Variants in LMF1 observed in about 807,000 individuals in gnomAD.
LMF1 encodes transmembrane protein 112.
In LMF1, 68 loss-of-function variants were observed where a neutral mutation model predicts 60.6. That is an observed-to-expected ratio of 1.12 (90% confidence interval 0.92 to 1.37). LMF1 has a LOEUF of 1.37. Among genes scored for constraint, LMF1 ranks in the 40% most tolerant of loss-of-function variants. The pLI is 0.00. For missense variants in LMF1, 948 were observed against 767.2 expected, an observed-to-expected ratio of 1.24 and a Z score of -2.78; for synonymous variants, 418 against 324.7, an observed-to-expected ratio of 1.29 and a Z score of -3.09.
At position 969,732 on chromosome 16, in the gene LMF1, T is replaced by C. The variant is rs570318324; in HGVS notation, c.193+1056A>G. 3.1e-3 allele frequency among the ~76,000 whole-genome samples: 477 copies of C among 152,298 alleles called. 2 individuals are homozygous for C. The highest frequency in any genetic ancestry group is 5.8e-3 in the Non-Finnish European group (393 of 68,014). Reference sequence around the variant, plus strand: ...CTGCCCACGCGCCCCGCTGGCTGCATCTCGGCCTGGCAGGCTCCCCTCACT... The same window carrying C: ...CTGCCCACGCGCCCCGCTGGCTGCACCTCGGCCTGGCAGGCTCCCCTCACT... On this transcript the variant is annotated intron_variant, in intron 1 of 10. Transcript: ENST00000262301.
rs140789791 is a variant in LMF1 at position 869,676 on chromosome 16, G to A, written c.1416+207C>T. 3.6e-3 allele frequency: 2,385 copies of A among 660,808 alleles called. 13 individuals carry two copies. Among genetic ancestry groups the A allele is most frequent in the Middle Eastern group, 6.3e-3 (20 of 3,170 alleles). 40.9% of individuals were successfully genotyped at this position (660,808 alleles called of 1,614,324 possible). ...CACTACCTGGCAGACCCGGGGGGAC[G>A]GTGGGGCTGGGCTCCCACATGAGGC... On this transcript the variant is annotated intron_variant, in intron 9 of 10. Coordinates refer to ENST00000262301, the MANE Select transcript of LMF1 (RefSeq NM_022773.4).
At chr16:907,826 T>C (rs1354953002) in intron 4 of LMF1, among the ~76,000 whole-genome samples, 1 of 152,216 alleles carries the variant, frequency 6.6e-6, no homozygotes, top group African/African-American at 2.4e-5. Context: ...CACAGGAGTC[T>C]ATCAAGTAAT....
intron 2 of LMF1, among the ~76,000 whole-genome samples, chr16:949,400 G>A (rs1325778177): frequency 6.7e-6 from 1 of 150,168 alleles, no homozygotes; most frequent in Non-Finnish European, 1.5e-5. Context: ...GACAACGACA[G>A]AGTCAGCCAA....
rs1411570116 is a variant in LMF1, at chr16:878,684, ACGGAG to A, written c.897+881_897+885del. Among the ~76,000 whole-genome samples, 2 of 143,040 alleles carry A rather than the reference ACGGAG, an allele frequency of 1.4e-5. No homozygotes were observed. Among genetic ancestry groups the A allele is most frequent in the African/African-American group, 5.2e-5 (2 of 38,388 alleles). 93.8% of individuals were successfully genotyped at this position (143,040 alleles called of 152,430 possible). ...CGTGGCGTGGCACCCGTGCCTGCTGACGGAGCTTTGCCCCTCTAGGCGGCGGTGCT... is the reference window on the plus strand; with the variant it reads ...CGTGGCGTGGCACCCGTGCCTGCTGACTTTGCCCCTCTAGGCGGCGGTGCT... On this transcript the variant is annotated intron_variant, in intron 6 of 10. Coordinates refer to ENST00000262301, the MANE Select transcript of LMF1 (RefSeq NM_022773.4). The surrounding 1 kb of genome is among the most constrained non-coding windows in gnomAD (Gnocchi z 5.2).
chr16:934,186 A>T (rs2151787246), intron 3 of LMF1, 58 bp downstream of exon 3: 1 of 1,599,126 alleles, frequency 6.3e-7, no homozygotes, highest in Non-Finnish European at 8.5e-7. Context: ...GTGAAGATAC[A>T]TACCAAACAC....
intron 1 of LMF1, among the ~76,000 whole-genome samples, chr16:956,280 C>T (rs1209870148): frequency 6.6e-6 from 1 of 151,444 alleles, no homozygotes; most frequent in African/African-American, 2.4e-5. Flanking sequence ...TGTCCCACGG[C>T]GCCCACCCAC....
intron 3 of LMF1, among the ~76,000 whole-genome samples, chr16:922,943 T>C (rs12598766): frequency 2.0e-3 from 176 of 87,112 alleles, no homozygotes; most frequent in South Asian, 0.016. Flanking sequence ...GTGGTGTTGG[T>C]GTCGTGTTGT....
At chr16:935,383 C>T (rs1362686413) in intron 2 of LMF1, among the ~76,000 whole-genome samples, 1 of 152,104 alleles carries the variant, frequency 6.6e-6, no homozygotes, top group Non-Finnish European at 1.5e-5. Flanking sequence ...GTGTGAACTG[C>T]CCCAGCCAGA....
rs1026518662 is a variant in LMF1, at chr16:868,786, G to A, written c.1529+158C>T. ...AAGGCTGATGTGGGGCGGGGGGGGG[G>A]GGCCCTTTTTGCTCCCAGCAGGCCC... On this transcript the variant is annotated intron_variant, in intron 10 of 10. Transcript: ENST00000262301. 2.1e-5 allele frequency among the ~76,000 whole-genome samples: 3 copies of A among 141,092 alleles called. 1 individual carries two copies. Among genetic ancestry groups the A allele is most frequent in the African/African-American group, 7.5e-5 (3 of 39,968 alleles). The allele number at this position is 141,092 out of a possible 152,430, so 92.6% of individuals were successfully genotyped here. A position where few individuals can be genotyped will look rare whatever the true frequency, so the allele number is the denominator to read the frequency against.
At chr16:976,901 G>A (rs753094051) in intron 1 of LMF1, 44 of 454,034 alleles carry the variant, frequency 9.7e-5, no homozygotes, top group Middle Eastern at 6.8e-4. Context: ...TCCCGCCAGC[G>A]CGGGTTCACG....
At chr16:917,380 G>A (rs2071310732) in intron 3 of LMF1, among the ~76,000 whole-genome samples, 1 of 108,456 alleles carries the variant, frequency 9.2e-6, no homozygotes, top group Non-Finnish European at 1.8e-5. Context: ...TGCCACACGT[G>A]TGCGCTGCGG....
chr16:974,708 G>C (rs1177014268), upstream of LMF1, among the ~76,000 whole-genome samples: 1 of 152,168 alleles, frequency 6.6e-6, no homozygotes, highest in Non-Finnish European at 1.5e-5. Context: ...CAGCAGCTGC[G>C]GGCCGGCTTC....
intron 1 of LMF1, among the ~76,000 whole-genome samples, chr16:964,396 C>T (rs1185671284): frequency 1.3e-5 from 2 of 152,168 alleles, no homozygotes; most frequent in Non-Finnish European, 2.9e-5. Context: ...CCCAGAAATG[C>T]CGTTCTCTGT....
chr16:874,820 G>C lies in LMF1; in HGVS notation c.898-3479C>G, dbSNP rs985359938. On this transcript the variant is annotated intron_variant, in intron 6 of 10. Transcript: ENST00000262301. The surrounding 1 kb of genome is among the most constrained non-coding windows in gnomAD (Gnocchi z 4.1). ...TCAGGGCACTCGGCTGTCACAGCGC[G>C]GCACAGGGGAGTACGCAGCCCCAGC... Among the ~76,000 whole-genome samples the C allele has an allele frequency of 1.3e-5, 2 of 151,982 alleles. No individual in the cohort carries two copies. The highest frequency in any genetic ancestry group is 4.8e-5 in the African/African-American group (2 of 41,292).
Position 871,215 on chromosome 16 carries a change from G to T in LMF1, c.1024C>A (p.Arg342=), listed in dbSNP as rs776584760. ...FPSGPGSLKD[R]VLQMQRDIRG... ...ATGTCCCTCTGCATCTGCAGAACTC[G>T]GTCCTTCAGGCTGCCTGGCCCAGAG... The change falls in exon 7 of 11, where the codon CGA becomes AGA. Residue 342 remains arginine, a synonymous_variant. Transcript: ENST00000262301. 1.9e-6 allele frequency: 3 copies of T among 1,611,514 alleles called. No individual in the cohort carries two copies. Among genetic ancestry groups the T allele is most frequent in the African/African-American group, 1.3e-5 (1 of 75,048 alleles).
intron 1 of LMF1, among the ~76,000 whole-genome samples, chr16:960,516 C>T (rs1225335215): frequency 2.0e-4 from 28 of 140,310 alleles, no homozygotes; most frequent in Non-Finnish European, 4.7e-5. Flanking sequence ...ACAACCCAGA[C>T]ACCATCTCAT....
chr16:965,275 A>T (rs776671679), intron 1 of LMF1, among the ~76,000 whole-genome samples: 1 of 146,948 alleles, frequency 6.8e-6, no homozygotes, highest in Non-Finnish European at 1.5e-5. Flanking sequence ...CTACGAAGCT[A>T]GACAGGAGAG....
At chr16:929,839 C>A (rs55816525) in intron 3 of LMF1, among the ~76,000 whole-genome samples, 1 of 152,242 alleles carries the variant, frequency 6.6e-6, no homozygotes, top group Non-Finnish European at 1.5e-5. Context: ...TCAGCAGTCA[C>A]GTCCGTCTGT....
At chr16:870,406 T>G (rs1031763147) in intron 8 of LMF1, among the ~76,000 whole-genome samples, 1 of 152,134 alleles carries the variant, frequency 6.6e-6, no homozygotes, top group Non-Finnish European at 1.5e-5. Context: ...TGTGTTCAGG[T>G]GGCACTACCT....
Sources: allele counts gnomAD v4.1 joint callset (sites outside exome capture counted in the v4.1 genomes callset), GRCh38; gene constraint gnomAD v4.1.1; non-coding constraint Gnocchi (gnomAD v3.1); transcripts MANE v1.5; gene names NCBI Gene and HGNC (gene_info 2026-07-23, HGNC 2026-07-21).